Variants in RBFOX2 observed in about 807,000 individuals in gnomAD.
RBFOX2 encodes the protein RNA binding fox-1 homolog 2.
Under a neutral mutation model 49.1 loss-of-function variants are expected in RBFOX2, and 10 were observed. The ratio of observed to expected loss-of-function variants is 0.20; its 90% CI spans 0.13 to 0.35. The LOEUF is 0.35. Among genes scored for constraint, RBFOX2 ranks in the 10% least tolerant of loss-of-function variants. The pLI, the probability that RBFOX2 is intolerant of heterozygous loss-of-function variation, is 1.00. For synonymous variants in RBFOX2, 183 were observed against 187.4 expected (o/e 0.98, Z 0.19); for missense variants, 323 against 486.9 (o/e 0.66, Z 3.17).
At position 35,886,078 on chromosome 22, in the gene RBFOX2, G is replaced by C. The variant is rs572494483; in HGVS notation, c.-34+52769C>G. On this transcript the variant is annotated intron_variant, in intron 1 of 13. Transcript: ENST00000359369. The stretch of plus-strand genomic sequence containing the variant: ...TCACCATGTTAGCCAGGATGGTCTC[G>C]ATCTCCTGACCTCGTGATCCGCCCA... 5.4e-3 allele frequency among the ~76,000 whole-genome samples: 824 copies of C among 151,724 alleles called. 6 individuals are homozygous for C. The highest frequency in any genetic ancestry group is 7.2e-3 in the Non-Finnish European group (486 of 67,876).
At chr22:36,001,801 C>T (rs150433531) in intron 1 of RBFOX2, among the ~76,000 whole-genome samples, 72 of 149,070 alleles carry the variant, frequency 4.8e-4, no homozygotes, top group African/African-American at 1.7e-3. Context: ...TGGTGGCTCA[C>T]GCCTGTAATC....
In RBFOX2 at chr22:35,937,919, G is replaced by A. The variant is rs554982011; in HGVS notation, c.-34+928C>T. Among the ~76,000 whole-genome samples, 8 of 152,206 alleles carry A rather than the reference G, an allele frequency of 5.3e-5. No homozygotes were observed. The South Asian group carries it at 6.2e-4, about 12-fold the overall frequency. On this transcript the variant is annotated intron_variant, in intron 1 of 13. Coordinates refer to the RBFOX2 transcript ENST00000359369. ...TCCTAGTTTTTAAGATCCACTTCAG[G>A]AGCTCTGATGAGATTCAATGAACTT...
chr22:35,867,832 T>C (rs1004612779), intron 1 of RBFOX2, among the ~76,000 whole-genome samples: 1 of 152,168 alleles, frequency 6.6e-6, no homozygotes, highest in African/African-American at 2.4e-5. Context: ...AAACAAAATA[T>C]GACTATCAAA....
At chr22:35,845,849 T>C (rs2041114534) in intron 1 of RBFOX2, among the ~76,000 whole-genome samples, 1 of 152,174 alleles carries the variant, frequency 6.6e-6, no homozygotes, top group Admixed American at 6.5e-5. Context: ...GCCTCTATTA[T>C]TAAGTTACAG....
chr22:36,011,610 C>A (rs1370040066), intron 1 of RBFOX2, among the ~76,000 whole-genome samples: 1 of 152,154 alleles, frequency 6.6e-6, no homozygotes, highest in African/African-American at 2.4e-5. Flanking sequence ...TAGGCACTGT[C>A]TCTAGAAGGA....
chr22:35,741,748 G>A (rs1930053170), exon 12 of RBFOX2: 1 of 152,692 alleles, frequency 6.5e-6, no homozygotes, highest in African/African-American at 2.4e-5. Flanking sequence ...TGCACTCAAG[G>A]TGCCTCAAGC....
intron 1 of RBFOX2, chr22:35,996,021 TC>T (rs1482683052): frequency 6.6e-6 from 1 of 152,154 alleles, no homozygotes; most frequent in East Asian, 1.9e-4. Flanking sequence ...TGTTGTGAGA[TC>T]AACTGCAACT....
chr22:35,822,197 A>G (rs1954682516), intron 1 of RBFOX2, among the ~76,000 whole-genome samples: 1 of 152,086 alleles, frequency 6.6e-6, no homozygotes, highest in Non-Finnish European at 1.5e-5. Context: ...TGTATTTTCC[A>G]TTTTGGTGAA....
At chr22:35,783,135 C>T (rs758040408) in intron 2 of RBFOX2, among the ~76,000 whole-genome samples, 1 of 152,208 alleles carries the variant, frequency 6.6e-6, no homozygotes, top group Non-Finnish European at 1.5e-5. Context: ...CACTCTGGTG[C>T]TTCCAGAAAA....
At chr22:35,958,605 T>C (rs1603458472) in intron 1 of RBFOX2, among the ~76,000 whole-genome samples, 1 of 152,144 alleles carries the variant, frequency 6.6e-6, no homozygotes. Flanking sequence ...TTCCTTTTAT[T>C]GTATTAATTC....
At chr22:35,811,230 C>A (rs1951804847) in intron 1 of RBFOX2, among the ~76,000 whole-genome samples, 1 of 152,164 alleles carries the variant, frequency 6.6e-6, no homozygotes, top group Admixed American at 6.5e-5. Flanking sequence ...TGGGAAGGGG[C>A]AGAGTCATAG....
intron 1 of RBFOX2, among the ~76,000 whole-genome samples, chr22:35,990,718 AC>A (rs1856756132): frequency 6.6e-6 from 1 of 152,186 alleles, no homozygotes; most frequent in African/African-American, 2.4e-5. Flanking sequence ...CAATAGCAAT[AC>A]TTAAGGTAAG....
intron 1 of RBFOX2, among the ~76,000 whole-genome samples, chr22:35,894,390 A>C (rs2047592870): frequency 6.6e-6 from 1 of 152,140 alleles, no homozygotes; most frequent in Admixed American, 6.5e-5. Flanking sequence ...GCTTATTCCT[A>C]ATTAATAATC....
At chr22:35,875,756 A>G (rs2044994970) in intron 1 of RBFOX2, among the ~76,000 whole-genome samples, 1 of 151,764 alleles carries the variant, frequency 6.6e-6, no homozygotes. Flanking sequence ...CAACCTGCCT[A>G]TTCTCCTAGC....
At chr22:35,777,394 CACTT>C (rs551509846) in intron 4 of RBFOX2, among the ~76,000 whole-genome samples, 5 of 152,296 alleles carry the variant, frequency 3.3e-5, no homozygotes, top group Admixed American at 6.5e-5. Flanking sequence ...TAAAAGTACA[CACTT>C]ACTACTTTCA....
chr22:35,901,436 C>G (rs1301995752), intron 1 of RBFOX2, among the ~76,000 whole-genome samples: 1 of 151,882 alleles, frequency 6.6e-6, no homozygotes, highest in Non-Finnish European at 1.5e-5. Flanking sequence ...TTTGCTTGAG[C>G]TCAGGAGTTT....
At chr22:36,021,141 C>T (rs1221258972) in intron 1 of RBFOX2, among the ~76,000 whole-genome samples, 1 of 150,914 alleles carries the variant, frequency 6.6e-6, no homozygotes, top group Non-Finnish European at 1.5e-5. Flanking sequence ...CAAACTATCA[C>T]AAGGACAGAA....
At chr22:35,801,623 G>A (rs1603145808) in intron 2 of RBFOX2, among the ~76,000 whole-genome samples, 2 of 152,012 alleles carry the variant, frequency 1.3e-5, no homozygotes, top group African/African-American at 4.8e-5. Context: ...TCAGGAGTTC[G>A]AGACCAACCT....
At chr22:36,001,508 C>A (rs2058424369) in intron 1 of RBFOX2, among the ~76,000 whole-genome samples, 1 of 152,108 alleles carries the variant, frequency 6.6e-6, no homozygotes. Context: ...TGCCTGTAAT[C>A]CTAGTACTTT....
Sources: gnomAD v4.1 joint callset for allele counts (sites outside exome capture counted in the v4.1 genomes callset) on GRCh38, gnomAD v4.1.1 for gene constraint, MANE v1.5 for transcripts, NCBI Gene and HGNC (gene_info 2026-07-23, HGNC 2026-07-21) for gene names.